USP33: variants seen among roughly 807,000 people sequenced by gnomAD.
USP33 encodes the protein ubiquitin specific peptidase 33, also known as ubiquitin carboxyl-terminal hydrolase 33.
Under a neutral mutation model 124.2 loss-of-function variants are expected in USP33, and 46 were observed. The observed-to-expected ratio is 0.37, with a 90% CI of 0.29 to 0.47. The LOEUF is 0.47. Ranked by LOEUF, USP33 falls within the 20% of genes least tolerant of loss-of-function variation. The pLI is 0.99. For missense variants in USP33, 851 were observed against 1,070.6 expected (o/e 0.79, Z 2.86); for synonymous variants, 350 against 352.3 (o/e 0.99, Z 0.07).
chr1:77,702,697 G>A (rs1043615769), intron 21 of USP33, among the ~76,000 whole-genome samples: 1 of 151,826 alleles, frequency 6.6e-6, no homozygotes. Flanking sequence ...AGATACTCAG[G>A]GCTACCTTAG....
chr1:77,738,670 C>T (rs995415080), intron 5 of USP33, among the ~76,000 whole-genome samples: 3 of 152,010 alleles, frequency 2.0e-5, no homozygotes, highest in South Asian at 4.2e-4. Context: ...TTAGTAGAGA[C>T]GGGGTGTCAC....
chr1:77,723,462 A>T lies in USP33; in HGVS notation c.1277-19T>A, dbSNP rs199998036. 178 of 1,471,298 alleles carry T rather than the reference A, an allele frequency of 1.2e-4. No homozygotes were observed. In the East Asian group the frequency reaches 3.6e-3, roughly 30 times the overall value. 91.1% of individuals were successfully genotyped at this position (1,471,298 alleles called of 1,614,324 possible). A position where few individuals can be genotyped will look rare whatever the true frequency, so the allele number is the denominator to read the frequency against. ...GACTGAGCTAGGATTGAAAAACATT[A>T]AAAAAAAATCAAAGCAGCTCCTTTA... On this transcript the variant is annotated intron_variant, in intron 11 of 23. Coordinates refer to ENST00000370794, the MANE Select transcript of USP33 (RefSeq NM_201624.3).
At chr1:77,725,251 A>G (rs1304249779) in intron 11 of USP33, among the ~76,000 whole-genome samples, 1 of 152,176 alleles carries the variant, frequency 6.6e-6, no homozygotes, top group Non-Finnish European at 1.5e-5. Context: ...ACAATAAGAA[A>G]AGAGGATCAA....
chr1:77,716,342 G>C (rs966636770), intron 17 of USP33, among the ~76,000 whole-genome samples: 7 of 152,142 alleles, frequency 4.6e-5, no homozygotes, highest in African/African-American at 1.7e-4. Context: ...TTACAGGCAT[G>C]AGTCATTAAC....
At chr1:77,747,276 C>G (rs1285522287) in intron 1 of USP33, among the ~76,000 whole-genome samples, 1 of 112,730 alleles carries the variant, frequency 8.9e-6, no homozygotes, top group Non-Finnish European at 1.7e-5. Flanking sequence ...GAGATGGTGT[C>G]TTGTTCCATT....
chr1:77,720,443 A>G (rs1388615828), intron 15 of USP33: 15 of 985,340 alleles, frequency 1.5e-5, no homozygotes, highest in Non-Finnish European at 1.7e-5. Flanking sequence ...AGTAGAAGTC[A>G]GCTTTTTCAT....
At chr1:77,736,941 A>G (rs1248672490) in intron 5 of USP33, among the ~76,000 whole-genome samples, 1 of 152,090 alleles carries the variant, frequency 6.6e-6, no homozygotes, top group Non-Finnish European at 1.5e-5. Context: ...TAGTTCAAGC[A>G]CTTACTTTAA....
chr1:77,706,252 T>A (rs1236875521), intron 21 of USP33, among the ~76,000 whole-genome samples: 5 of 152,198 alleles, frequency 3.3e-5, no homozygotes, highest in African/African-American at 1.2e-4. Flanking sequence ...GCACACAGCA[T>A]TTTGCATGCT....
intron 1 of USP33, among the ~76,000 whole-genome samples, chr1:77,751,696 T>C (rs1443580518): frequency 1.4e-5 from 2 of 146,042 alleles, no homozygotes; most frequent in Admixed American, 6.8e-5. Flanking sequence ...AGATATTACC[T>C]TTTTTTTTTT....
At chr1:77,705,427 T>A (rs1454792705) in intron 21 of USP33, among the ~76,000 whole-genome samples, 1 of 152,068 alleles carries the variant, frequency 6.6e-6, no homozygotes, top group Non-Finnish European at 1.5e-5. Context: ...ACTCCTGACC[T>A]CAAGTGATCC....
At chr1:77,702,865 G>A (rs1210220089) in intron 21 of USP33, among the ~76,000 whole-genome samples, 4 of 151,784 alleles carry the variant, frequency 2.6e-5, no homozygotes, top group African/African-American at 7.3e-5. Flanking sequence ...AAAGAGGCTC[G>A]GGAAAATTAA....
At chr1:77,721,598 A>T (rs1282971099) in intron 14 of USP33, 1 of 514,456 alleles carries the variant, frequency 1.9e-6, no homozygotes, top group African/African-American at 2.0e-5. Context: ...CAGCTTTAAA[A>T]CATTTCACTT....
At chr1:77,728,969 A>T (rs752226280) in intron 9 of USP33, among the ~76,000 whole-genome samples, 16 of 152,106 alleles carry the variant, frequency 1.1e-4, no homozygotes, top group Non-Finnish European at 1.0e-4. Context: ...GCATGACCAC[A>T]GCTCACTGTA....
intron 1 of USP33, among the ~76,000 whole-genome samples, chr1:77,751,727 C>T (rs914396497): frequency 5.3e-5 from 8 of 151,860 alleles, no homozygotes; most frequent in Non-Finnish European, 1.0e-4. Flanking sequence ...CTTGCTCTGT[C>T]GCCCAGGCTT....
At chr1:77,698,974 T>C (rs537452631) in intron 22 of USP33, among the ~76,000 whole-genome samples, 18 of 152,284 alleles carry the variant, frequency 1.2e-4, no homozygotes, top group African/African-American at 4.1e-4. Flanking sequence ...TTTAAATACA[T>C]TCTTTTTAAA....
At chr1:77,755,071 CAG>C (rs1367937391) in intron 1 of USP33, among the ~76,000 whole-genome samples, 1 of 152,138 alleles carries the variant, frequency 6.6e-6, no homozygotes, top group African/African-American at 2.4e-5. Context: ...AGAGTTCTAA[CAG>C]AGTCTCAAAT....
intron 1 of USP33, among the ~76,000 whole-genome samples, chr1:77,759,052 A>T (rs1681073985): frequency 1.3e-5 from 2 of 152,220 alleles, no homozygotes. Context: ...GGTCTGGGAA[A>T]CCACACACTA....
chr1:77,748,835 T>C (rs372674500), intron 1 of USP33, among the ~76,000 whole-genome samples: 11 of 120,366 alleles, frequency 9.1e-5, no homozygotes, highest in South Asian at 2.7e-4. Flanking sequence ...AGATAAAATA[T>C]GTGTGCTTCA....
At chr1:77,741,038 C>T in intron 3 of USP33, 99 bp from the exon 4 acceptor site, 1 of 855,376 alleles carries the variant, frequency 1.2e-6, no homozygotes, top group Non-Finnish European at 1.8e-6. Flanking sequence ...GTTTGGATTA[C>T]CTGTTTTACA....
Sources: allele counts gnomAD v4.1 joint callset (sites outside exome capture counted in the v4.1 genomes callset), GRCh38; gene constraint gnomAD v4.1.1; transcripts MANE v1.5; gene names NCBI Gene and HGNC (gene_info 2026-07-23, HGNC 2026-07-21).